Variants in LRRC27 observed in about 807,000 individuals in gnomAD.
LRRC27 encodes the protein leucine-rich repeat-containing protein 27.
Under a neutral mutation model 55.0 loss-of-function variants are expected in LRRC27, and 57 were observed. That is an observed-to-expected ratio of 1.04 (90% CI 0.84 to 1.29). The LOEUF is 1.29. Among genes scored for constraint, LRRC27 ranks in the 50% most tolerant of loss-of-function variants. The probability of loss-of-function intolerance (pLI) is 0.00; values close to 1 mark genes in which losing one functional copy is unlikely to be tolerated. For missense variants in LRRC27, 721 were observed against 651.5 expected, an observed-to-expected ratio of 1.11 and a Z score of -1.16; for synonymous variants, 278 against 251.9, an observed-to-expected ratio of 1.10 and a Z score of -0.98.
chr10:132,333,275 G>A (rs2066911894), intron 1 of LRRC27, among the ~76,000 whole-genome samples: 2 of 151,484 alleles, frequency 1.3e-5, no homozygotes, highest in Admixed American at 6.6e-5. Flanking sequence ...ATTGTACAAA[G>A]TGAGAGCAGA....
At chr10:132,368,589 G>A (rs1051679950) in intron 10 of LRRC27, among the ~76,000 whole-genome samples, 2 of 152,148 alleles carry the variant, frequency 1.3e-5, no homozygotes, top group Non-Finnish European at 2.9e-5. Flanking sequence ...AGATGGTACT[G>A]GAACAACTGC....
chr10:132,336,365 G>C (rs368420112), intron 2 of LRRC27, among the ~76,000 whole-genome samples: 1 of 152,238 alleles, frequency 6.6e-6, no homozygotes, highest in African/African-American at 2.4e-5. Flanking sequence ...TTGCCAGGAT[G>C]CTTTCTGGAG....
chr10:132,360,637 C>G (rs908777888), intron 8 of LRRC27, among the ~76,000 whole-genome samples: 1 of 152,028 alleles, frequency 6.6e-6, no homozygotes, highest in South Asian at 2.1e-4. Context: ...CAGGCATGTA[C>G]TAGGATTAAA....
At chr10:132,370,735 T>G (rs1252795298) in intron 10 of LRRC27, among the ~76,000 whole-genome samples, 1 of 152,250 alleles carries the variant, frequency 6.6e-6, no homozygotes, top group Non-Finnish European at 1.5e-5. Flanking sequence ...ATTTGCCTTC[T>G]GAGTACCTGG....
chr10:132,347,836 G>T, intron 5 of LRRC27, 148 bp from the exon 6 acceptor site: 1 of 995,874 alleles, frequency 1.0e-6, no homozygotes, highest in Middle Eastern at 3.3e-4. Context: ...TGGGGTGACG[G>T]GAATTGTTTG....
At position 132,376,361 on chromosome 10, in the gene LRRC27, C is replaced by T. The variant is rs2069337141; in HGVS notation, c.*1119C>T. 6.6e-6 allele frequency: 1 copy of T among 152,228 alleles called. No homozygotes were observed. Among genetic ancestry groups the T allele is most frequent in the Non-Finnish European group, 1.5e-5 (1 of 68,040 alleles). 9.4% of individuals were successfully genotyped at this position (152,228 alleles called of 1,614,324 possible). A position where few individuals can be genotyped will look rare whatever the true frequency, so the allele number is the denominator to read the frequency against. On this transcript the variant is annotated 3_prime_UTR_variant, in exon 11 of 11. Transcript: ENST00000368614. The stretch of plus-strand genomic sequence containing the variant: ...GAGAGAAATGCATCACTTCCAAACC[C>T]ATGTATTAGAGAAGAAGGGCGTGAA...
chr10:132,371,451 A>T (rs1439774325), intron 10 of LRRC27, among the ~76,000 whole-genome samples: 1 of 152,196 alleles, frequency 6.6e-6, no homozygotes, highest in Non-Finnish European at 1.5e-5. Flanking sequence ...AACGCGGCCC[A>T]TTCTGCACAT....
chr10:132,352,848 T>A lies in LRRC27; in HGVS notation c.1073+1095T>A, dbSNP rs1477102656. On this transcript the variant is annotated intron_variant, in intron 7 of 10. Transcript: ENST00000368614. ...TTCCTCACGACACCTGCCTGCTTTC[T>A]TGTTCTTTTCCCTCATTTCTTGTTC... The A allele has an allele frequency of 1.9e-6, 3 of 1,611,522 alleles. No homozygotes were observed. In the African/African-American group the frequency reaches 4.0e-5, roughly 22 times the overall value.
chr10:132,351,379 G>C, intron 6 of LRRC27: 1 of 518,314 alleles, frequency 1.9e-6, no homozygotes, highest in South Asian at 2.6e-5. Flanking sequence ...GTAGCTGGCT[G>C]GCAGTGGGCG....
chr10:132,331,813 A>G (rs752752764), upstream of LRRC27: 2 of 1,578,514 alleles, frequency 1.3e-6, no homozygotes, highest in South Asian at 1.1e-5. Flanking sequence ...CCCGTCGACC[A>G]CCACCCCTTC....
At chr10:132,361,876 A>G (rs2068634130) in intron 9 of LRRC27, among the ~76,000 whole-genome samples, 1 of 149,778 alleles carries the variant, frequency 6.7e-6, no homozygotes, top group Non-Finnish European at 1.5e-5. Flanking sequence ...CCAAGGGGAG[A>G]CGCGATCCGA....
At position 132,332,194 on chromosome 10, in the gene LRRC27, T is replaced by C. The variant is rs1208127073; in HGVS notation, c.-111T>C. 1 of 156,312 alleles carries C rather than the reference T, an allele frequency of 6.4e-6. No individual in the cohort carries two copies. Among genetic ancestry groups the C allele is most frequent in the Non-Finnish European group, 1.4e-5 (1 of 70,862 alleles). 9.7% of individuals were successfully genotyped at this position (156,312 alleles called of 1,614,324 possible). On this transcript the variant is annotated 5_prime_UTR_variant, in exon 1 of 11. Transcript: ENST00000368614. The stretch of plus-strand genomic sequence containing the variant: ...GACCGCGTTGGCTGGGTGGCCTCCA[T>C]TGTCGGGCTGCTGCTCTCAGCGGCG...
At chr10:132,364,191 C>G (rs1325685052) in intron 9 of LRRC27, among the ~76,000 whole-genome samples, 9 of 151,938 alleles carry the variant, frequency 5.9e-5, no homozygotes, top group Admixed American at 5.9e-4. Context: ...CATAGTTACT[C>G]TGAAAAGCAA....
chr10:132,348,063 C>G lies in LRRC27; in HGVS notation c.633C>G (p.Asn211Lys). ...GLELSGDHAS[N>K]QGAVNAQDPE... The stretch of plus-strand genomic sequence containing the variant: ...AGTTGTCTGGAGACCACGCGTCTAA[C>G]CAAGGAGCTGTGAACGCTCAGGACC... The change falls in exon 6 of 11, where the codon AAC becomes AAG. Residue 211 changes from asparagine (N) to lysine (K), a missense_variant. By Grantham distance (94) the Asn-to-Lys change is moderately conservative. Transcript: ENST00000368614. This position sits in a 1 kb window ranked among gnomAD's most constrained non-coding sequence, Gnocchi z 4.2. 1 of 1,614,052 alleles carries G rather than the reference C, an allele frequency of 6.2e-7. No homozygotes were observed.
chr10:132,344,651 G>T lies in LRRC27; in HGVS notation c.553+1G>T, dbSNP rs780839356. The T allele has an allele frequency of 4.2e-5, 68 of 1,613,366 alleles. No homozygotes were observed. Among genetic ancestry groups the T allele is most frequent in the Non-Finnish European group, 5.4e-5 (64 of 1,179,502 alleles). On this transcript the variant is annotated splice_donor_variant, in intron 5 of 10. Coordinates refer to ENST00000368614, the MANE Select transcript of LRRC27 (RefSeq NM_030626.3). LOFTEE classifies it high-confidence loss of function. ...CTCCCCAGAAATCCAACTTCTCAAG[G>T]TTTGTAGGAGGTGATTTATGACAAA... is the stretch of plus-strand genomic sequence containing the variant.
rs1049148561 is a variant in LRRC27 at position 132,376,816 on chromosome 10, G to A, written c.*1574G>A. On this transcript the variant is annotated 3_prime_UTR_variant, in exon 11 of 11. Transcript: ENST00000368614. ...ACTAATCCTGTTGCTCAGAGCTCCTGTACCCTTACTGACTGACTTAAGCCT... is the reference window on the plus strand; with the variant it reads ...ACTAATCCTGTTGCTCAGAGCTCCTATACCCTTACTGACTGACTTAAGCCT... 4 of 152,288 alleles carry A rather than the reference G, an allele frequency of 2.6e-5. No homozygotes were observed. Among genetic ancestry groups the A allele is most frequent in the East Asian group, 3.8e-4 (2 of 5,204 alleles). The allele number at this position is 152,288 out of a possible 1,614,324, so 9.4% of individuals were successfully genotyped here. A position where few individuals can be genotyped will look rare whatever the true frequency, so the allele number is the denominator to read the frequency against.
At chr10:132,334,498 C>T (rs2067022016) in intron 2 of LRRC27, among the ~76,000 whole-genome samples, 1 of 152,154 alleles carries the variant, frequency 6.6e-6, no homozygotes, top group South Asian at 2.1e-4. Flanking sequence ...GTCTCAGCTT[C>T]CCAAAGTGCT....
chr10:132,347,843 T>G, intron 5 of LRRC27, 141 bp from the exon 6 acceptor site: 1 of 1,070,030 alleles, frequency 9.3e-7, no homozygotes, highest in Non-Finnish European at 1.4e-6. Context: ...ACGGGAATTG[T>G]TTGGATTGAC....
At chr10:132,364,202 G>A (rs2068791834) in intron 9 of LRRC27, among the ~76,000 whole-genome samples, 1 of 151,896 alleles carries the variant, frequency 6.6e-6, no homozygotes, top group African/African-American at 2.4e-5. Flanking sequence ...TGAAAAGCAA[G>A]CAAAACCGGC....
Sources: gnomAD v4.1 joint callset for allele counts (sites outside exome capture counted in the v4.1 genomes callset) on GRCh38, gnomAD v4.1.1 for gene constraint, Gnocchi (gnomAD v3.1) non-coding constraint, MANE v1.5 for transcripts, NCBI Gene and HGNC (gene_info 2026-07-23, HGNC 2026-07-21) for gene names.